The following SLC44A1 variants were observed in gnomAD, a reference collection of about 807,000 sequenced individuals.
The protein encoded by SLC44A1 is choline transporter-like protein 1.
SLC44A1 carries 26 observed loss-of-function variants against 79.3 expected under a neutral mutation model. That is an observed-to-expected ratio of 0.33 (90% CI 0.24 to 0.46). The LOEUF (loss-of-function observed/expected upper bound fraction) is 0.46, where lower values mean the gene tolerates loss of function less well. SLC44A1 is among the 20% of genes least tolerant of loss of function. The pLI is 1.00. For synonymous variants in SLC44A1, 263 were observed against 286.2 expected (o/e 0.92, Z 0.82); for missense variants, 688 against 798.1 (o/e 0.86, Z 1.66).
Position 105,390,170 on chromosome 9 carries a change from T to C in SLC44A1, c.*1114T>C, listed in dbSNP as rs533315359. On this transcript the variant is annotated 3_prime_UTR_variant, in exon 16 of 16. Transcript: ENST00000374720. ...CTCCAGTGTGACTGTTGTTTTTGTT[T>C]GGGGGTGGGTTTGGGGTTTTTTGCT... The C allele has an allele frequency of 7.5e-4, 905 of 1,201,146 alleles. 1 individual carries two copies. Among genetic ancestry groups the C allele is most frequent in the Non-Finnish European group, 8.8e-4 (854 of 966,054 alleles). The allele number at this position is 1,201,146 out of a possible 1,614,324, so 74.4% of individuals were successfully genotyped here. A position where few individuals can be genotyped will look rare whatever the true frequency, so the allele number is the denominator to read the frequency against.
rs577747704 is a variant in SLC44A1 at position 105,266,204 on chromosome 9, C to T, written c.36+21300C>T. ...CTGGTCTCAAACTGCTGGCCTCAAC[C>T]GATCCTCCTTTCTTGACCTCTCAAA... On this transcript the variant is annotated intron_variant, in intron 1 of 15. Coordinates refer to ENST00000374720, the MANE Select transcript of SLC44A1 (RefSeq NM_080546.5). 3.9e-5 allele frequency among the ~76,000 whole-genome samples: 6 copies of T among 152,250 alleles called. No individual in the cohort carries two copies. In the East Asian group the frequency reaches 5.8e-4, roughly 15 times the overall value.
chr9:105,253,403 A>G (rs1436438766), intron 1 of SLC44A1, among the ~76,000 whole-genome samples: 1 of 152,168 alleles, frequency 6.6e-6, no homozygotes, highest in Non-Finnish European at 1.5e-5. Flanking sequence ...AAAATTCTTC[A>G]TTTTGAACTA....
chr9:105,343,433 A>G (rs184685256), intron 4 of SLC44A1, among the ~76,000 whole-genome samples: 1 of 152,206 alleles, frequency 6.6e-6, no homozygotes, highest in African/African-American at 2.4e-5. Flanking sequence ...GATTATTGTT[A>G]TCTGGTTGTT....
intron 15 of SLC44A1, among the ~76,000 whole-genome samples, chr9:105,414,869 G>A (rs548862433): frequency 6.6e-6 from 1 of 152,260 alleles, no homozygotes; most frequent in East Asian, 1.9e-4. Flanking sequence ...GAATGTTTAT[G>A]TCCCATAAAC....
intron 10 of SLC44A1, among the ~76,000 whole-genome samples, chr9:105,365,210 C>G (rs1289933027): frequency 1.3e-5 from 2 of 152,156 alleles, no homozygotes; most frequent in African/African-American, 2.4e-5. Flanking sequence ...TAAGTATTCA[C>G]TAATAAAAGC....
intron 4 of SLC44A1, 137 bp downstream of exon 4, chr9:105,335,836 A>G: frequency 1.2e-6 from 1 of 859,854 alleles, no homozygotes; most frequent in South Asian, 2.3e-5. Context: ...GCTAAAAAAT[A>G]TTATAGTCAC....
chr9:105,416,015 C>A (rs1263738861), intron 15 of SLC44A1, among the ~76,000 whole-genome samples: 1 of 150,812 alleles, frequency 6.6e-6, no homozygotes, highest in South Asian at 2.1e-4. Context: ...GATTCTCCTA[C>A]GTCAGCCTCC....
intron 15 of SLC44A1, among the ~76,000 whole-genome samples, chr9:105,428,440 A>G (rs1829349864): frequency 6.6e-6 from 1 of 152,168 alleles, no homozygotes; most frequent in South Asian, 2.1e-4. Flanking sequence ...TGATATTCTA[A>G]GAAGTATAGT....
chr9:105,263,801 T>C (rs1449090343), intron 1 of SLC44A1, among the ~76,000 whole-genome samples: 1 of 152,158 alleles, frequency 6.6e-6, no homozygotes, highest in Non-Finnish European at 1.5e-5. Flanking sequence ...CCTCCCAAAG[T>C]GCTGGGATTA....
At chr9:105,353,079 A>T (rs1827503765) in intron 5 of SLC44A1, among the ~76,000 whole-genome samples, 1 of 152,148 alleles carries the variant, frequency 6.6e-6, no homozygotes. Flanking sequence ...TTTGTTATTC[A>T]TTACCACTAG....
intron 15 of SLC44A1, among the ~76,000 whole-genome samples, chr9:105,402,836 A>G (rs1354125078): frequency 6.6e-6 from 1 of 152,200 alleles, no homozygotes; most frequent in East Asian, 1.9e-4. Flanking sequence ...ATATATACAA[A>G]AAGATTTTTT....
chr9:105,422,049 C>A (rs1035532063), intron 15 of SLC44A1, among the ~76,000 whole-genome samples: 3 of 152,120 alleles, frequency 2.0e-5, no homozygotes, highest in Non-Finnish European at 4.4e-5. Context: ...GAGGTGACAG[C>A]GTTAGGTTGG....
intron 5 of SLC44A1, among the ~76,000 whole-genome samples, chr9:105,354,743 G>T (rs1292309410): frequency 1.3e-5 from 2 of 152,200 alleles, no homozygotes; most frequent in Admixed American, 1.3e-4. Flanking sequence ...CAGCATGAAA[G>T]ATGTTACTTT....
chr9:105,323,039 AC>A (rs1214495475), intron 3 of SLC44A1, among the ~76,000 whole-genome samples: 5 of 145,548 alleles, frequency 3.4e-5, no homozygotes, highest in Non-Finnish European at 6.1e-5. Flanking sequence ...CCTGGCCAAC[AC>A]CCCGTCTATT....
At chr9:105,378,580 G>A (rs1327244143) in intron 13 of SLC44A1, among the ~76,000 whole-genome samples, 2 of 151,916 alleles carry the variant, frequency 1.3e-5, no homozygotes, top group Non-Finnish European at 2.9e-5. Context: ...TTTTAATAAT[G>A]TAATATTTAT....
rs139399981 is a variant in SLC44A1 at position 105,411,319 on chromosome 9, T to A, written c.1950+25817T>A. The stretch of plus-strand genomic sequence containing the variant: ...ATTTTAATGCATTTGCTTTTTCTCC[T>A]CATTTCCACTCCTCTATCCTTCTTC... On this transcript the variant is annotated intron_variant, in intron 15 of 15. Transcript: ENST00000374724. 1.4e-3 allele frequency among the ~76,000 whole-genome samples: 217 copies of A among 152,172 alleles called. 1 individual carries two copies. The highest frequency in any genetic ancestry group is 3.4e-3 in the Middle Eastern group (1 of 294).
intron 1 of SLC44A1, among the ~76,000 whole-genome samples, chr9:105,297,422 T>C (rs1420234838): frequency 6.6e-6 from 1 of 152,218 alleles, no homozygotes. Context: ...GCGCTCTTGT[T>C]GCTCAGGCTG....
intron 1 of SLC44A1, among the ~76,000 whole-genome samples, chr9:105,280,149 G>T (rs1008702989): frequency 6.6e-6 from 1 of 152,148 alleles, no homozygotes; most frequent in Non-Finnish European, 1.5e-5. Flanking sequence ...TTGACAAAAT[G>T]ATTTACAAAA....
chr9:105,389,178 T>C lies in SLC44A1; in HGVS notation c.*122T>C. ...GTATGTGTGTATATATGTATATGTATATACACACACACACATAAATCAGCC... is the reference window on the plus strand; with the variant it reads ...GTATGTGTGTATATATGTATATGTACATACACACACACACATAAATCAGCC... On this transcript the variant is annotated 3_prime_UTR_variant, in exon 16 of 16. Coordinates refer to ENST00000374720, the MANE Select transcript of SLC44A1 (RefSeq NM_080546.5). 2.2e-5 allele frequency: 31 copies of C among 1,434,586 alleles called. No homozygotes were observed. The highest frequency in any genetic ancestry group is 2.9e-5 in the Non-Finnish European group (31 of 1,078,642). The allele number at this position is 1,434,586 out of a possible 1,614,324, so 88.9% of individuals were successfully genotyped here. A position where few individuals can be genotyped will look rare whatever the true frequency, so the allele number is the denominator to read the frequency against.
Sources: allele counts gnomAD v4.1 joint callset (sites outside exome capture counted in the v4.1 genomes callset), GRCh38; gene constraint gnomAD v4.1.1; transcripts MANE v1.5; gene names NCBI Gene and HGNC (gene_info 2026-07-23, HGNC 2026-07-21).